The following NDUFAF6 variants were observed in gnomAD, a reference collection of about 807,000 sequenced individuals.
NDUFAF6 encodes the protein NADH:ubiquinone oxidoreductase complex assembly factor 6, also known as NADH dehydrogenase (ubiquinone) complex I, assembly factor 6.
In NDUFAF6, 45 loss-of-function variants were observed where a neutral mutation model predicts 40.8. The observed-to-expected ratio is 1.10, with a 90% CI of 0.87 to 1.42. The LOEUF (loss-of-function observed/expected upper bound fraction) is 1.42, where lower values mean the gene tolerates loss of function less well. Among genes scored for constraint, NDUFAF6 ranks in the 40% most tolerant of loss-of-function variants. NDUFAF6 has a pLI of 0.00. For synonymous variants in NDUFAF6, 185 were observed against 155.9 expected (o/e 1.19, Z -1.39); for missense variants, 435 against 418.5 (o/e 1.04, Z -0.34).
upstream of NDUFAF6, among the ~76,000 whole-genome samples, chr8:95,099,983 T>C (rs1187757527): frequency 1.3e-5 from 2 of 152,232 alleles, no homozygotes; most frequent in Non-Finnish European, 2.9e-5. Context: ...GTCTAGGCTC[T>C]TTAGTGCTGG....
downstream of NDUFAF6, among the ~76,000 whole-genome samples, chr8:95,107,476 C>T (rs192083789): frequency 4.1e-4 from 63 of 151,916 alleles, no homozygotes; most frequent in Middle Eastern, 6.8e-3. Context: ...CGGGGCCTGT[C>T]GGAGGGGTAG....
Position 95,058,314 on chromosome 8 carries a change from A to T in NDUFAF6, c.*377A>T. 2 of 1,274,784 alleles carry T rather than the reference A, an allele frequency of 1.6e-6. No individual in the cohort carries two copies. The highest frequency in any genetic ancestry group is 2.0e-6 in the Non-Finnish European group (2 of 1,013,812). The allele number at this position is 1,274,784 out of a possible 1,614,324, so 79.0% of individuals were successfully genotyped here. On this transcript the variant is annotated 3_prime_UTR_variant, in exon 9 of 9. Coordinates refer to ENST00000396124, the MANE Select transcript of NDUFAF6 (RefSeq NM_152416.4). ...GAAAGGGGAAAGGGCTCAAGTTATCATAGGGGCTTACATGCTGAGCAGCTA... is the reference window on the plus strand; with the variant it reads ...GAAAGGGGAAAGGGCTCAAGTTATCTTAGGGGCTTACATGCTGAGCAGCTA...
At chr8:95,073,001 T>C (rs1832917532) in intron 9 of NDUFAF6, 1 of 153,184 alleles carries the variant, frequency 6.5e-6, no homozygotes, top group Non-Finnish European at 1.5e-5. Flanking sequence ...TCCCTCCTTT[T>C]CTTACAACTT....
At chr8:94,917,616 T>C (rs1029434681) in intron 1 of NDUFAF6, among the ~76,000 whole-genome samples, 13 of 152,168 alleles carry the variant, frequency 8.5e-5, no homozygotes, top group African/African-American at 2.9e-4. Context: ...AAAGAATCTC[T>C]CAGTCTTAGA....
intron 1 of NDUFAF6, among the ~76,000 whole-genome samples, chr8:94,919,733 C>T (rs1586649601): frequency 1.3e-5 from 2 of 152,304 alleles, no homozygotes; most frequent in East Asian, 3.9e-4. Context: ...GGTCAATATC[C>T]TGCATCTGTA....
chr8:94,982,689 T>C (rs1256569593), intron 2 of NDUFAF6, among the ~76,000 whole-genome samples: 2 of 152,256 alleles, frequency 1.3e-5, no homozygotes, highest in African/African-American at 2.4e-5. Flanking sequence ...CACACTGGCA[T>C]TACATTTGTT....
upstream of NDUFAF6, chr8:94,957,891 C>T (rs1293241798): frequency 2.0e-5 from 3 of 152,238 alleles, no homozygotes; most frequent in East Asian, 5.8e-4. Flanking sequence ...AAACTGCATG[C>T]TTTTTACAAA....
At chr8:95,066,849 G>T (rs1399873910) in intron 9 of NDUFAF6, 2 of 152,102 alleles carry the variant, frequency 1.3e-5, no homozygotes, top group African/African-American at 4.8e-5. Context: ...CTTGGTTTTG[G>T]ACAGGTCCAA....
In NDUFAF6 at chr8:95,024,999, T is replaced by C. The variant is rs774309940; in HGVS notation, c.-10T>C. 1 of 1,337,614 alleles carries C rather than the reference T, an allele frequency of 7.5e-7. No individual in the cohort carries two copies. The highest frequency in any genetic ancestry group is 2.1e-5 in the South Asian group (1 of 48,554). 82.9% of individuals were successfully genotyped at this position (1,337,614 alleles called of 1,614,324 possible). On this transcript the variant is annotated 5_prime_UTR_variant, in exon 1 of 9. Transcript: ENST00000396124. The stretch of plus-strand genomic sequence containing the variant: ...CGGCGGGGGGTCGAAGGGCACGCAG[T>C]GCCGGCGTCATGGCGGCCTCCGCGC...
At chr8:94,955,862 T>C (rs1325308469), upstream of NDUFAF6, among the ~76,000 whole-genome samples, 1 of 152,178 alleles carries the variant, frequency 6.6e-6, no homozygotes, top group East Asian at 1.9e-4. Flanking sequence ...AAACCATAGT[T>C]TGGAAAAGAA....
At chr8:94,938,140 A>G (rs2131355064) in intron 1 of NDUFAF6, among the ~76,000 whole-genome samples, 1 of 152,356 alleles carries the variant, frequency 6.6e-6, no homozygotes. Flanking sequence ...GATGCCTGAA[A>G]GGGTGAAGCT....
chr8:94,924,153 C>T (rs984665756), intron 1 of NDUFAF6, among the ~76,000 whole-genome samples: 38 of 151,872 alleles, frequency 2.5e-4, no homozygotes, highest in Non-Finnish European at 4.3e-4. Context: ...CTCCGCCTCC[C>T]GGGTTCAAGC....
chr8:94,996,171 G>A (rs990450096), intron 2 of NDUFAF6, among the ~76,000 whole-genome samples: 3 of 152,154 alleles, frequency 2.0e-5, no homozygotes, highest in Non-Finnish European at 4.4e-5. Flanking sequence ...AGGCACTGTG[G>A]ATTCAATATA....
At chr8:95,097,793 G>T (rs1809517012), upstream of NDUFAF6, among the ~76,000 whole-genome samples, 1 of 152,192 alleles carries the variant, frequency 6.6e-6, no homozygotes, top group Admixed American at 6.5e-5. Flanking sequence ...TTAGAAGTTG[G>T]TATGCTCCCA....
downstream of NDUFAF6, among the ~76,000 whole-genome samples, chr8:95,062,712 C>A (rs988619302): frequency 6.6e-6 from 1 of 152,196 alleles, no homozygotes; most frequent in South Asian, 2.1e-4. Flanking sequence ...TCCCAAAATG[C>A]CTGTTGTCTT....
At chr8:95,044,757 CTTT>C (rs373961068) in intron 4 of NDUFAF6, among the ~76,000 whole-genome samples, 1 of 141,954 alleles carries the variant, frequency 7.0e-6, no homozygotes, top group Non-Finnish European at 1.5e-5. Flanking sequence ...CACCCAGCCT[CTTT>C]TTTTTTTTTT....
At chr8:94,978,959 C>T (rs1825189581) in intron 1 of NDUFAF6, among the ~76,000 whole-genome samples, 1 of 152,118 alleles carries the variant, frequency 6.6e-6, no homozygotes, top group African/African-American at 2.4e-5. Context: ...AATTGTGGTA[C>T]ACCTAGTTGG....
At chr8:95,060,803 ATAAG>A (rs1328063905), downstream of NDUFAF6, among the ~76,000 whole-genome samples, 1 of 152,260 alleles carries the variant, frequency 6.6e-6, no homozygotes, top group Non-Finnish European at 1.5e-5. Context: ...TTTTTTAGAA[ATAAG>A]TATTACTGCT....
rs1827934115 is a variant in NDUFAF6, at chr8:95,025,126, G to C, written c.118G>C (p.Glu40Gln). The C allele has an allele frequency of 2.0e-6, 3 of 1,483,556 alleles. No homozygotes were observed. Among genetic ancestry groups the C allele is most frequent in the Middle Eastern group, 2.2e-4 (1 of 4,566 alleles). The allele number at this position is 1,483,556 out of a possible 1,614,324, so 91.9% of individuals were successfully genotyped here. ...YARMRRLPGPEVSGRSVAAAS... is the reference protein window; with the variant it reads ...YARMRRLPGPQVSGRSVAAAS... ...GCGCATGCGGCGGCTGCCCGGGCCG[G>C]AGGTGTCTGGGCGGAGCGTGGCTGC... The change falls in exon 1 of 9, where the codon GAG (glutamate) becomes CAG (glutamine). Residue 40 changes from glutamate to glutamine, a missense_variant. By Grantham distance (29) the Glu-to-Gln change is conservative. Coordinates refer to ENST00000396124, the MANE Select transcript of NDUFAF6 (RefSeq NM_152416.4).
Sources: gnomAD v4.1 joint callset for allele counts (sites outside exome capture counted in the v4.1 genomes callset) on GRCh38, gnomAD v4.1.1 for gene constraint, MANE v1.5 for transcripts, NCBI Gene and HGNC (gene_info 2026-07-23, HGNC 2026-07-21) for gene names.